The following LDB1 variants were observed in gnomAD, a reference collection of about 807,000 sequenced individuals.
The protein encoded by LDB1 is LIM domain-binding protein 1.
In LDB1, 6 loss-of-function variants were observed where a neutral mutation model predicts 49.7. The ratio of observed to expected loss-of-function variants is 0.12; its 90% CI spans 0.07 to 0.24. The LOEUF is 0.24. Ranked by LOEUF, LDB1 falls within the 10% of genes least tolerant of loss-of-function variation. The probability of loss-of-function intolerance (pLI) is 1.00; values close to 1 mark genes in which losing one functional copy is unlikely to be tolerated. For synonymous variants in LDB1, 233 were observed against 202.0 expected (o/e 1.15, Z -1.30); for missense variants, 341 against 561.7 (o/e 0.61, Z 3.97).
At chr10:102,114,919 G>A in intron 1 of LDB1, 2 of 841,512 alleles carry the variant, frequency 2.4e-6, no homozygotes, top group Non-Finnish European at 1.4e-6. Flanking sequence ...CACACACGCA[G>A]CGCCCGCCGG....
At chr10:102,112,475 G>A (rs1171149864) in intron 1 of LDB1, among the ~76,000 whole-genome samples, 2 of 152,164 alleles carry the variant, frequency 1.3e-5, no homozygotes, top group Non-Finnish European at 2.9e-5. Context: ...CACCCTCAGG[G>A]TCTCAGGAGG....
intron 10 of LDB1, among the ~76,000 whole-genome samples, chr10:102,108,715 G>A (rs2068206136): frequency 6.6e-6 from 1 of 152,182 alleles, no homozygotes; most frequent in Non-Finnish European, 1.5e-5. Flanking sequence ...ACTCCAGTCT[G>A]CATGTCTATC....
In LDB1 at chr10:102,110,874, C is replaced by T. The variant is rs1455886550; in HGVS notation, c.347G>A (p.Arg116Lys). 3 of 1,613,818 alleles carry T rather than the reference C, an allele frequency of 1.9e-6. No homozygotes were observed. Among genetic ancestry groups the T allele is most frequent in the Admixed American group, 1.7e-5 (1 of 60,026 alleles). Residue 116 changes from arginine (R) to lysine (K), a missense_variant, in exon 5 of 11, where the codon AGA (arginine) becomes AAA (lysine). Arg to Lys is a conservative substitution (Grantham distance 26). Around this residue, in one of 5 missense-constraint regions of LDB1, gnomAD observed 233 missense variants for 385.7 expected, o/e 0.60. Transcript: ENST00000673968. ...AGACCCCAGAGGCCACTTACTATAT[C>T]TCTTTGGTCCATCCTCCAGGCAGAA... ...ITFCLEDGPK[R>K]YTIGRTLIPR...
chr10:102,114,813 C>T, intron 1 of LDB1: 35 of 214,052 alleles, frequency 1.6e-4, no homozygotes, highest in Non-Finnish European at 2.4e-4. Flanking sequence ...CTCCGAGCAG[C>T]CCGCCCGCCC....
Position 102,109,197 on chromosome 10 carries a change from C to T in LDB1, c.857-20G>A, listed in dbSNP as rs1368817655. On this transcript the variant is annotated intron_variant, in intron 9 of 10. Coordinates refer to ENST00000673968, the MANE Select transcript of LDB1 (RefSeq NM_001113407.3). The surrounding 1 kb of genome is among the most constrained non-coding windows in gnomAD (Gnocchi z 5.8). ...GCTCCGCTGTGCCGGTAAACGGAGACTCAGATGGGAGAGGGCCCCAGGTCC... is the reference window on the plus strand; with the variant it reads ...GCTCCGCTGTGCCGGTAAACGGAGATTCAGATGGGAGAGGGCCCCAGGTCC... 1 of 1,612,830 alleles carries T rather than the reference C, an allele frequency of 6.2e-7. No individual in the cohort carries two copies. The highest frequency in any genetic ancestry group is 8.5e-7 in the Non-Finnish European group (1 of 1,179,860).
chr10:102,102,663 G>A (rs771892893), downstream of LDB1, among the ~76,000 whole-genome samples: 33 of 152,190 alleles, frequency 2.2e-4, no homozygotes, highest in Admixed American at 5.2e-4. Context: ...TTTTGAGTAT[G>A]TAGTCTCCCA....
rs766364480 is a variant in LDB1 at position 102,108,124 on chromosome 10, G to A, written c.1205C>T (p.Ser402Leu). The change falls in exon 11 of 11, where the codon TCG becomes TTG. Residue 402 changes from serine to leucine, a missense_variant. By Grantham distance (145) the Ser-to-Leu change is moderately radical. This residue lies in a region of LDB1 where 46 missense variants were observed against 62.9 expected (regional missense o/e 0.73). Coordinates refer to ENST00000673968, the MANE Select transcript of LDB1 (RefSeq NM_001113407.3). ...SKPPSSQESK[S>L]ENPTSQASQ ...GGAGGCCTGTGACGTGGGGTTCTCC[G>A]ATTTGCTTTCTTGGCTGGACGGAGG... is the stretch of plus-strand genomic sequence containing the variant. 8.7e-6 allele frequency: 14 copies of A among 1,614,008 alleles called. No homozygotes were observed. Among genetic ancestry groups the A allele is most frequent in the Admixed American group, 1.7e-5 (1 of 59,996 alleles).
Position 102,107,141 on chromosome 10 carries a change from G to C in LDB1, c.*952C>G, listed in dbSNP as rs765518895. On this transcript the variant is annotated 3_prime_UTR_variant, in exon 11 of 11. Transcript: ENST00000673968. ...AACAAGGCTGCTCCCTTCTCTCCACGCTCCCTAAGGGAAGGAGCCTCCCCT... is the reference window on the plus strand; with the variant it reads ...AACAAGGCTGCTCCCTTCTCTCCACCCTCCCTAAGGGAAGGAGCCTCCCCT... 6.6e-6 allele frequency among the ~76,000 whole-genome samples: 1 copy of C among 152,072 alleles called. No homozygotes were observed. The highest frequency in any genetic ancestry group is 1.5e-5 in the Non-Finnish European group (1 of 68,016).
At chr10:102,111,647 C>T (rs2068256450) in intron 1 of LDB1, 111 bp from the exon 2 acceptor site, 2 of 612,808 alleles carry the variant, frequency 3.3e-6, no homozygotes, top group Non-Finnish European at 5.7e-6. Flanking sequence ...GTCGAGGCTG[C>T]AGGGACCAGC....
intron 1 of LDB1, among the ~76,000 whole-genome samples, chr10:102,115,196 C>A (rs1397453823): frequency 6.6e-6 from 1 of 152,114 alleles, no homozygotes; most frequent in African/African-American, 2.4e-5. Context: ...GGAGGAGAGG[C>A]CTGTGGGGGC....
chr10:102,114,755 T>C (rs2068309893), intron 1 of LDB1: 1 of 861,508 alleles, frequency 1.2e-6, no homozygotes, highest in Non-Finnish European at 1.4e-6. Flanking sequence ...TCCTCTCTCC[T>C]CCTCCTCCTT....
At position 102,107,195 on chromosome 10, in the gene LDB1, G is replaced by A. The variant is rs2068175743; in HGVS notation, c.*898C>T. Among the ~76,000 whole-genome samples the A allele has an allele frequency of 6.6e-6, 1 of 152,132 alleles. No individual in the cohort carries two copies. The highest frequency in any genetic ancestry group is 1.5e-5 in the Non-Finnish European group (1 of 68,030). On this transcript the variant is annotated 3_prime_UTR_variant, in exon 11 of 11. Transcript: ENST00000673968. ...CGCATCCTAGACAGCTGCTCTTGTG[G>A]AGGACTTGTAAGGAATATACATACC...
chr10:102,112,792 C>T lies in LDB1; in HGVS notation c.26-1256G>A, dbSNP rs185696380. ...TCCTCAGTCTAGGGGCAAGTGGTCA[C>T]TAGACAGGGGTCTCACTAGTGTGTA... On this transcript the variant is annotated intron_variant, in intron 1 of 10. Transcript: ENST00000673968. Among the ~76,000 whole-genome samples the T allele has an allele frequency of 3.2e-3, 490 of 152,316 alleles. 4 individuals carry two copies. Among genetic ancestry groups the T allele is most frequent in the African/African-American group, 0.011 (475 of 41,556 alleles).
chr10:102,111,540 G>A lies in LDB1; in HGVS notation c.26-4C>T. Reference sequence around the variant, plus strand: ...TTGAATGACTTTGAGGAACAACCTAGACGAGAAAGAAAGGAGTCATAGCTG... The same window carrying A: ...TTGAATGACTTTGAGGAACAACCTAAACGAGAAAGAAAGGAGTCATAGCTG... On this transcript the variant is annotated splice_polypyrimidine_tract_variant and splice_region_variant and intron_variant, in intron 1 of 10. Coordinates refer to ENST00000673968, the MANE Select transcript of LDB1 (RefSeq NM_001113407.3). 1 of 1,515,258 alleles carries A rather than the reference G, an allele frequency of 6.6e-7. No individual in the cohort carries two copies. The highest frequency in any genetic ancestry group is 8.8e-7 in the Non-Finnish European group (1 of 1,130,724). 93.9% of individuals were successfully genotyped at this position (1,515,258 alleles called of 1,614,324 possible). A position where few individuals can be genotyped will look rare whatever the true frequency, so the allele number is the denominator to read the frequency against.
At position 102,109,813 on chromosome 10, in the gene LDB1, G is replaced by A. The variant is rs2133505109; in HGVS notation, c.648+108C>T. On this transcript the variant is annotated intron_variant, in intron 7 of 10. Coordinates refer to ENST00000673968, the MANE Select transcript of LDB1 (RefSeq NM_001113407.3). The surrounding 1 kb of genome is among the most constrained non-coding windows in gnomAD (Gnocchi z 5.8). ...TTATTAAACCTGCTGTTCAGATGAA[G>A]AAACCCTAACCCTCTGTCTAAGTAG... is the stretch of plus-strand genomic sequence containing the variant. 9.6e-6 allele frequency: 15 copies of A among 1,564,012 alleles called. No individual in the cohort carries two copies. In the South Asian group the frequency reaches 1.6e-4, roughly 17 times the overall value.
At position 102,117,976 on chromosome 10, in the gene LDB1, G is replaced by C. The variant is rs1323670460; in HGVS notation, c.25+2110C>G. Among the ~76,000 whole-genome samples, 1 of 152,130 alleles carries C rather than the reference G, an allele frequency of 6.6e-6. No individual in the cohort carries two copies. Among genetic ancestry groups the C allele is most frequent in the African/African-American group, 2.4e-5 (1 of 41,412 alleles). On this transcript the variant is annotated intron_variant, in intron 1 of 10. Transcript: ENST00000673968. The surrounding 1 kb of genome is among the most constrained non-coding windows in gnomAD (Gnocchi z 4.2). The stretch of plus-strand genomic sequence containing the variant: ...TGTCTCTGCCGGGCTGGGGGAGGAG[G>C]AGGAGCCCGGAGACAGCAGAACACA...
rs558516308 is a variant in LDB1, at chr10:102,106,541, C to CAAAAAAAAAAA, written c.*1541_*1551dup. 2.2e-4 allele frequency among the ~76,000 whole-genome samples: 4 copies of CAAAAAAAAAAA among 17,784 alleles called. No homozygotes were observed. The highest frequency in any genetic ancestry group is 3.2e-4 in the Non-Finnish European group (3 of 9,522). The allele number at this position is 17,784 out of a possible 152,430, so 11.7% of individuals were successfully genotyped here. A position where few individuals can be genotyped will look rare whatever the true frequency, so the allele number is the denominator to read the frequency against. On this transcript the variant is annotated 3_prime_UTR_variant, in exon 11 of 11. Coordinates refer to ENST00000673968, the MANE Select transcript of LDB1 (RefSeq NM_001113407.3). ...GGTACCATACATGACTCAAATGGCC[C>CAAAAAAAAAAA]AAAAAAAAAAAAAAAAAAAAAAAAA...
chr10:102,105,953 G>C (rs1381767666), downstream of LDB1, among the ~76,000 whole-genome samples: 1 of 152,036 alleles, frequency 6.6e-6, no homozygotes, highest in Non-Finnish European at 1.5e-5. Flanking sequence ...CTCCAGCCTG[G>C]GTAATGGAGC....
chr10:102,109,264 T>C lies in LDB1; in HGVS notation c.857-87A>G. The stretch of plus-strand genomic sequence containing the variant: ...GCTCCCAAGGAGCATGAGCCTGCCC[T>C]GATCCCAATTTTGTAGACCCGGGAA... On this transcript the variant is annotated intron_variant, in intron 9 of 10. Coordinates refer to ENST00000673968, the MANE Select transcript of LDB1 (RefSeq NM_001113407.3). The surrounding 1 kb of genome is among the most constrained non-coding windows in gnomAD (Gnocchi z 5.8). 1 of 1,604,646 alleles carries C rather than the reference T, an allele frequency of 6.2e-7. No individual in the cohort carries two copies.
Sources: gnomAD v4.1 joint callset for allele counts (sites outside exome capture counted in the v4.1 genomes callset) on GRCh38, gnomAD v4.1.1 for gene constraint, gnomAD v4.1.1 regional missense constraint, Gnocchi (gnomAD v3.1) non-coding constraint, MANE v1.5 for transcripts, NCBI Gene and HGNC (gene_info 2026-07-23, HGNC 2026-07-21) for gene names.